The following SLC39A11 variants were observed in gnomAD, a reference collection of about 807,000 sequenced individuals.
The protein encoded by SLC39A11 is solute carrier family 39 member 11.
In SLC39A11, 33 loss-of-function variants were observed where a neutral mutation model predicts 36.1. The ratio of observed to expected loss-of-function variants is 0.91; its 90% CI spans 0.69 to 1.22. SLC39A11 has a LOEUF of 1.22. SLC39A11 is among the 50% of genes most tolerant of loss of function. SLC39A11 has a pLI of 0.00. For synonymous variants in SLC39A11, 166 were observed against 170.3 expected, an observed-to-expected ratio of 0.97 and a Z score of 0.20; for missense variants, 432 against 430.3, an observed-to-expected ratio of 1.00 and a Z score of -0.03.
Position 72,775,083 on chromosome 17 carries a change from C to T in SLC39A11, c.602-38364G>A, listed in dbSNP as rs540495602. On this transcript the variant is annotated intron_variant, in intron 6 of 9. Coordinates refer to ENST00000255559, the MANE Select transcript of SLC39A11 (RefSeq NM_139177.4). ...CTGGCTAATATTGTGAGCACCCATT[C>T]CCCCAACACCTGGCCCTTTTCTTTG... Among the ~76,000 whole-genome samples, 12 of 152,258 alleles carry T rather than the reference C, an allele frequency of 7.9e-5. No individual in the cohort carries two copies. The South Asian group carries it at 1.7e-3, about 21-fold the overall frequency.
intron 5 of SLC39A11, among the ~76,000 whole-genome samples, chr17:72,910,461 T>A (rs944032506): frequency 1.3e-5 from 2 of 151,642 alleles, no homozygotes; most frequent in African/African-American, 4.8e-5. Context: ...CCATCTCTAC[T>A]AAAAATACAA....
At position 72,843,580 on chromosome 17, in the gene SLC39A11, C is replaced by A. The variant is rs111401123; in HGVS notation, c.601+6054G>T. Among the ~76,000 whole-genome samples the A allele has an allele frequency of 6.0e-3, 917 of 152,250 alleles. 6 individuals are homozygous for A. Among genetic ancestry groups the A allele is most frequent in the African/African-American group, 0.021 (864 of 41,554 alleles). ...ACAACGAGAAGACAGTCACCTGCAA[C>A]CCGGAGAAGGACCCTCACCAGAACC... On this transcript the variant is annotated intron_variant, in intron 6 of 9. Transcript: ENST00000255559.
chr17:72,795,600 G>A (rs1035310289), intron 6 of SLC39A11, among the ~76,000 whole-genome samples: 2 of 152,068 alleles, frequency 1.3e-5, no homozygotes, highest in Admixed American at 6.5e-5. Context: ...ACTGGAGAAG[G>A]AGAATTAGGC....
At chr17:72,700,627 G>C (rs1480817443) in intron 7 of SLC39A11, among the ~76,000 whole-genome samples, 1 of 152,166 alleles carries the variant, frequency 6.6e-6, no homozygotes, top group Non-Finnish European at 1.5e-5. Flanking sequence ...ACAGAGGTGG[G>C]GCTGTGTATT....
chr17:72,913,466 G>T (rs1034439714), intron 5 of SLC39A11, among the ~76,000 whole-genome samples: 2 of 152,192 alleles, frequency 1.3e-5, no homozygotes, highest in African/African-American at 4.8e-5. Flanking sequence ...AAGGGGGCAG[G>T]AAGTGGATGG....
At chr17:72,771,582 T>A (rs2567538) in intron 6 of SLC39A11, among the ~76,000 whole-genome samples, 5 of 151,934 alleles carry the variant, frequency 3.3e-5, no homozygotes, top group African/African-American at 1.2e-4. Context: ...TAAAGTTTCC[T>A]GGGGCCATCT....
At chr17:72,849,556 T>A in intron 6 of SLC39A11, 78 bp downstream of exon 6, 1 of 1,356,906 alleles carries the variant, frequency 7.4e-7, no homozygotes, top group Non-Finnish European at 9.6e-7. Context: ...CCCCTTCCCC[T>A]TTTCCAGCCA....
chr17:72,875,681 C>T (rs2080866053), intron 5 of SLC39A11, among the ~76,000 whole-genome samples: 1 of 152,174 alleles, frequency 6.6e-6, no homozygotes, highest in East Asian at 1.9e-4. Context: ...TAACGATGAT[C>T]TAATTCGGAG....
intron 5 of SLC39A11, among the ~76,000 whole-genome samples, chr17:72,867,790 GCACACA>G: frequency 6.8e-6 from 1 of 147,340 alleles, no homozygotes; most frequent in African/African-American, 2.5e-5. Context: ...ACACACACAC[GCACACA>G]CACCTATGCA....
intron 7 of SLC39A11, among the ~76,000 whole-genome samples, chr17:72,663,376 A>C (rs963507203): frequency 4.6e-5 from 7 of 152,226 alleles, no homozygotes; most frequent in Non-Finnish European, 1.0e-4. Context: ...AGAAAAGAGC[A>C]GATCCGCCTG....
intron 7 of SLC39A11, among the ~76,000 whole-genome samples, chr17:72,669,614 G>A (rs1243954332): frequency 6.6e-6 from 1 of 152,158 alleles, no homozygotes; most frequent in Non-Finnish European, 1.5e-5. Context: ...TTGATCACTT[G>A]CATAAAGTAG....
intron 7 of SLC39A11, among the ~76,000 whole-genome samples, chr17:72,724,279 G>A (rs181231420): frequency 2.4e-4 from 37 of 152,166 alleles, no homozygotes; most frequent in Admixed American, 1.1e-3. Context: ...CTCCCTGTTC[G>A]CTTCCCAGCC....
At chr17:72,666,375 G>A (rs929311800) in intron 7 of SLC39A11, among the ~76,000 whole-genome samples, 7 of 152,186 alleles carry the variant, frequency 4.6e-5, no homozygotes, top group African/African-American at 1.4e-4. Context: ...TCAGCAAAAC[G>A]GCAGTGGAGG....
chr17:72,727,651 CA>C (rs57874434), intron 7 of SLC39A11, among the ~76,000 whole-genome samples: 12,295 of 72,622 alleles, frequency 0.17, 403 homozygotes, highest in African/African-American at 0.24. Context: ...GACTCCGTCT[CA>C]AAAAAAAAAA....
chr17:72,660,030 T>C (rs2070339130), intron 7 of SLC39A11, among the ~76,000 whole-genome samples: 1 of 152,158 alleles, frequency 6.6e-6, no homozygotes, highest in Non-Finnish European at 1.5e-5. Flanking sequence ...CCCTATACTA[T>C]CTTTGGGAGG....
chr17:72,792,569 A>T (rs2076747403), intron 6 of SLC39A11, among the ~76,000 whole-genome samples: 1 of 152,212 alleles, frequency 6.6e-6, no homozygotes, highest in African/African-American at 2.4e-5. Flanking sequence ...TAGAGCTAGC[A>T]TTTGAACCCA....
intron 7 of SLC39A11, among the ~76,000 whole-genome samples, chr17:72,657,343 G>A (rs957205304): frequency 1.3e-5 from 2 of 152,176 alleles, no homozygotes. Flanking sequence ...CTGGGCAACA[G>A]AGTGAGATTC....
intron 7 of SLC39A11, among the ~76,000 whole-genome samples, 172 bp downstream of exon 7, chr17:72,736,478 C>A (rs2074435138): frequency 6.6e-6 from 1 of 152,200 alleles, no homozygotes; most frequent in South Asian, 2.1e-4. Context: ...TCTTAGGAGA[C>A]TCCTCTCTCA....
Position 72,729,438 on chromosome 17 carries a change from TATATATA to T in SLC39A11, c.671+7205_671+7211del, listed in dbSNP as rs2074102713. 5.0e-3 allele frequency among the ~76,000 whole-genome samples: 24 copies of T among 4,772 alleles called. 2 individuals are homozygous for T. Among genetic ancestry groups the T allele is most frequent in the African/African-American group, 0.01 (10 of 986 alleles). 3.1% of individuals were successfully genotyped at this position (4,772 alleles called of 152,430 possible). On this transcript the variant is annotated intron_variant, in intron 7 of 9. Transcript: ENST00000255559. ...ATATATATATATATATATATATATA[TATATATA>T]TATATATATATATTTTTTTTTTTTT...
Sources: gnomAD v4.1 joint callset for allele counts (sites outside exome capture counted in the v4.1 genomes callset) on GRCh38, gnomAD v4.1.1 for gene constraint, MANE v1.5 for transcripts, NCBI Gene and HGNC (gene_info 2026-07-23, HGNC 2026-07-21) for gene names.